ATP8B1: variants seen among roughly 807,000 people sequenced by gnomAD.
ATP8B1 encodes the protein phospholipid-transporting ATPase IC.
ATP8B1 carries 80 observed loss-of-function variants against 149.9 expected under a neutral mutation model. The observed-to-expected ratio is 0.53, with a 90% CI of 0.45 to 0.64. The LOEUF is 0.64. ATP8B1 is among the 30% of genes least tolerant of loss of function. ATP8B1 has a pLI of 0.00. For missense variants in ATP8B1, 1,247 were observed against 1,552.6 expected (o/e 0.80, Z 3.31); for synonymous variants, 536 against 562.8 (o/e 0.95, Z 0.67).
chr18:57,724,281 A>C (rs1447323552), intron 2 of ATP8B1, among the ~76,000 whole-genome samples: 1 of 146,472 alleles, frequency 6.8e-6, no homozygotes, highest in Non-Finnish European at 1.5e-5. Context: ...GCTTCTGCAC[A>C]GCAAAAGAAA....
intron 21 of ATP8B1, 55 bp downstream of exon 21, chr18:57,662,428 C>T (rs1302830236): frequency 5.0e-6 from 8 of 1,605,164 alleles, no homozygotes; most frequent in Admixed American, 1.7e-5. Flanking sequence ...AAAAGTGGCT[C>T]CAAATGAACT....
intron 17 of ATP8B1, among the ~76,000 whole-genome samples, chr18:57,670,663 TA>T (rs920795853): frequency 2.0e-5 from 3 of 152,088 alleles, no homozygotes; most frequent in Non-Finnish European, 4.4e-5. Flanking sequence ...TTAAACATTT[TA>T]AACAGTTTCA....
chr18:57,789,860 G>A (rs2080445020), intron 1 of ATP8B1, among the ~76,000 whole-genome samples: 1 of 152,278 alleles, frequency 6.6e-6, no homozygotes, highest in South Asian at 2.1e-4. Context: ...ATGATAGGAA[G>A]CACTGGCTTC....
At chr18:57,771,937 G>A (rs925805930) in intron 1 of ATP8B1, among the ~76,000 whole-genome samples, 3 of 152,020 alleles carry the variant, frequency 2.0e-5, no homozygotes, top group African/African-American at 7.2e-5. Context: ...AACTACAATC[G>A]ACATACTAAT....
chr18:57,712,048 CATATATATAT>C (rs10622264), intron 2 of ATP8B1, among the ~76,000 whole-genome samples: 2 of 144,332 alleles, frequency 1.4e-5, no homozygotes, highest in African/African-American at 5.4e-5. Flanking sequence ...CCTCTATTGG[CATATATATAT>C]ATATATATAT....
chr18:57,801,996 TC>T (rs2080580268), intron 1 of ATP8B1: 1 of 148,768 alleles, frequency 6.7e-6, no homozygotes, highest in Non-Finnish European at 1.5e-5. Context: ...CCAATTTGCA[TC>T]CTTACTGCAA....
intron 13 of ATP8B1, 86 bp from the exon 14 acceptor site, chr18:57,685,201 G>T: frequency 1.4e-6 from 2 of 1,460,018 alleles, no homozygotes; most frequent in Non-Finnish European, 1.9e-6. Context: ...TATAGTGATG[G>T]TGGTAAGACC....
intron 2 of ATP8B1, among the ~76,000 whole-genome samples, chr18:57,728,324 T>C (rs1270330493): frequency 6.6e-6 from 1 of 151,866 alleles, no homozygotes; most frequent in Non-Finnish European, 1.5e-5. Flanking sequence ...CTGAAGGAAA[T>C]TATTCAGGAT....
chr18:57,795,915 T>C (rs1019232993), intron 1 of ATP8B1, among the ~76,000 whole-genome samples: 1 of 151,924 alleles, frequency 6.6e-6, no homozygotes, highest in African/African-American at 2.4e-5. Flanking sequence ...ACACCTGTAA[T>C]CCCAACACTT....
chr18:57,674,786 G>A, intron 16 of ATP8B1, 48 bp downstream of exon 16: 1 of 1,595,814 alleles, frequency 6.3e-7, no homozygotes, highest in South Asian at 1.1e-5. Flanking sequence ...ATGGGCACAA[G>A]CAACATCTAA....
At chr18:57,725,149 C>A (rs1297357665) in intron 2 of ATP8B1, among the ~76,000 whole-genome samples, 1 of 123,268 alleles carries the variant, frequency 8.1e-6, no homozygotes, top group Non-Finnish European at 1.7e-5. Flanking sequence ...ATACCTAATG[C>A]TAGATGATGA....
At position 57,782,991 on chromosome 18, in the gene ATP8B1, T is replaced by G. The variant is rs149153805; in HGVS notation, c.-26+20007A>C. ...CCATGCCCAGCTAATTTTTTTATTTTTAGTAGCGACAGGGTTTCACCATGT... is the reference window on the plus strand; with the variant it reads ...CCATGCCCAGCTAATTTTTTTATTTGTAGTAGCGACAGGGTTTCACCATGT... On this transcript the variant is annotated intron_variant, in intron 1 of 27. Coordinates refer to ENST00000648908, the MANE Select transcript of ATP8B1 (RefSeq NM_001374385.1). 6.1e-3 allele frequency among the ~76,000 whole-genome samples: 932 copies of G among 152,062 alleles called. 10 individuals carry two copies. Among genetic ancestry groups the G allele is most frequent in the African/African-American group, 0.021 (879 of 41,468 alleles).
At chr18:57,775,596 AGATTCTGTCAG>A (rs1320316025) in intron 1 of ATP8B1, among the ~76,000 whole-genome samples, 2 of 151,762 alleles carry the variant, frequency 1.3e-5, no homozygotes, top group African/African-American at 2.4e-5. Flanking sequence ...CTAGAGCAAG[AGATTCTGTCAG>A]GATTCTGTCA....
chr18:57,754,455 T>C (rs141333086), intron 1 of ATP8B1, among the ~76,000 whole-genome samples: 21,037 of 151,410 alleles, frequency 0.14, 1,882 homozygotes, highest in South Asian at 0.31. Context: ...AATATATATA[T>C]ATATATATTA....
chr18:57,789,097 C>T (rs1306412518), intron 1 of ATP8B1, among the ~76,000 whole-genome samples: 1 of 152,148 alleles, frequency 6.6e-6, no homozygotes, highest in African/African-American at 2.4e-5. Flanking sequence ...ATATAGGACA[C>T]AGAGTTATAT....
intron 1 of ATP8B1, among the ~76,000 whole-genome samples, chr18:57,732,720 G>A (rs551366749): frequency 2.6e-5 from 4 of 152,070 alleles, no homozygotes; most frequent in African/African-American, 9.6e-5. Flanking sequence ...ACACCACCAC[G>A]CCCGGCTAAT....
At chr18:57,741,580 G>A (rs554953172) in intron 1 of ATP8B1, among the ~76,000 whole-genome samples, 27 of 152,240 alleles carry the variant, frequency 1.8e-4, no homozygotes, top group Admixed American at 9.2e-4. Context: ...ATCCTAATAC[G>A]GAGAACCCAG....
At chr18:57,697,558 A>C in intron 8 of ATP8B1, 60 bp downstream of exon 8, 2 of 1,559,430 alleles carry the variant, frequency 1.3e-6, no homozygotes, top group African/African-American at 2.7e-5. Flanking sequence ...CCCCGATTTC[A>C]GTGGAATGAA....
chr18:57,732,976 C>A (rs1381158683), intron 1 of ATP8B1, among the ~76,000 whole-genome samples: 1 of 152,090 alleles, frequency 6.6e-6, no homozygotes, highest in Non-Finnish European at 1.5e-5. Context: ...TTAATATAAC[C>A]TTAGATCTTC....
Sources: gnomAD v4.1 joint callset for allele counts (sites outside exome capture counted in the v4.1 genomes callset) on GRCh38, gnomAD v4.1.1 for gene constraint, MANE v1.5 for transcripts, NCBI Gene and HGNC (gene_info 2026-07-23, HGNC 2026-07-21) for gene names.